Variants in NPEPL1 observed in about 807,000 individuals in gnomAD.
NPEPL1 encodes aminopeptidase like 1.
In NPEPL1, 45 loss-of-function variants were observed where a neutral mutation model predicts 52.4. The ratio of observed to expected loss-of-function variants is 0.86; its 90% confidence interval spans 0.68 to 1.10. The LOEUF (loss-of-function observed/expected upper bound fraction) is 1.10. NPEPL1 is among the 50% of genes least tolerant of loss of function. The pLI, the probability that NPEPL1 is intolerant of heterozygous loss-of-function variation, is 0.00. For missense variants in NPEPL1, 696 were observed against 710.9 expected (o/e 0.98, Z 0.24); for synonymous variants, 360 against 314.7 (o/e 1.14, Z -1.52).
chr20:58,690,182 C>T (rs1379943427), upstream of NPEPL1, among the ~76,000 whole-genome samples: 1 of 152,206 alleles, frequency 6.6e-6, no homozygotes, highest in Non-Finnish European at 1.5e-5. Context: ...GTTCTAGGAG[C>T]TTTATTCTGA....
chr20:58,691,080 G>A (rs773741031), upstream of NPEPL1: 1 of 703,022 alleles, frequency 1.4e-6, no homozygotes, highest in Admixed American at 2.0e-5. Context: ...CTTCGCCTGT[G>A]GAAGTCCTAT....
At chr20:58,708,956 G>A (rs1178882201) in intron 7 of NPEPL1, among the ~76,000 whole-genome samples, 1 of 152,136 alleles carries the variant, frequency 6.6e-6, no homozygotes, top group East Asian at 1.9e-4. Flanking sequence ...TCCAACAGAG[G>A]GTCTGTCCTG....
chr20:58,691,103 G>A, upstream of NPEPL1: 1 of 702,966 alleles, frequency 1.4e-6, no homozygotes, highest in South Asian at 1.5e-5. Flanking sequence ...CATCTGTCAG[G>A]GCATGGCCTT....
rs144049352 is a variant in NPEPL1 at position 58,702,776 on chromosome 20, G to T, written c.822+1618G>T. 2.1e-3 allele frequency among the ~76,000 whole-genome samples: 326 copies of T among 152,248 alleles called. 5 individuals carry two copies. The highest frequency in any genetic ancestry group is 6.8e-3 in the Middle Eastern group (2 of 294). ...TTTTGAAGAGCTCCAATCTCGTGAGGCAACAGATACACAGATACTTAGGAA... is the reference window on the plus strand; with the variant it reads ...TTTTGAAGAGCTCCAATCTCGTGAGTCAACAGATACACAGATACTTAGGAA... On this transcript the variant is annotated intron_variant, in intron 6 of 11. Coordinates refer to ENST00000356091, the MANE Select transcript of NPEPL1 (RefSeq NM_024663.4).
In NPEPL1 at chr20:58,713,660, G is replaced by A. The variant is rs1568862128; in HGVS notation, c.1125+117G>A. The A allele has an allele frequency of 7.3e-7, 1 of 1,370,416 alleles. No individual in the cohort carries two copies. The highest frequency in any genetic ancestry group is 1.6e-5 in the South Asian group (1 of 64,416). The allele number at this position is 1,370,416 out of a possible 1,614,324, so 84.9% of individuals were successfully genotyped here. ...CTGCCGTCAGGAAGTTTTCATAACT[G>A]GGCACGAGGAGGCAGGAGGAGCTGC... On this transcript the variant is annotated intron_variant, in intron 9 of 11. Transcript: ENST00000356091. The surrounding 1 kb of genome is among the most constrained non-coding windows in gnomAD (Gnocchi z 4.6).
chr20:58,693,458 C>T (rs1248639218), intron 1 of NPEPL1: 1 of 376,542 alleles, frequency 2.7e-6, no homozygotes, highest in Non-Finnish European at 4.8e-6. Context: ...GTGGAAGCCG[C>T]CTAAGCCCTA....
At chr20:58,695,317 AGTGGTGTGTGT>A (rs1192318314) in intron 3 of NPEPL1, among the ~76,000 whole-genome samples, 2 of 152,226 alleles carry the variant, frequency 1.3e-5, no homozygotes, top group African/African-American at 2.4e-5. Flanking sequence ...TGTGTGCATG[AGTGGTGTGTGT>A]GTGGTGTGTG....
chr20:58,707,341 C>A, intron 7 of NPEPL1, 141 bp downstream of exon 7: 1 of 816,940 alleles, frequency 1.2e-6, no homozygotes, highest in Non-Finnish European at 1.9e-6. Flanking sequence ...CCCCTCTGCC[C>A]CCAGGCTCTT....
intron 1 of NPEPL1, chr20:58,693,319 G>C (rs1049411577): frequency 3.0e-5 from 5 of 164,914 alleles, no homozygotes; most frequent in Non-Finnish European, 6.4e-5. Flanking sequence ...ACGGCGGGGG[G>C]GGAGACGTGG....
intron 1 of NPEPL1, 189 bp downstream of exon 1, chr20:58,693,239 G>A: frequency 3.7e-6 from 1 of 272,602 alleles, no homozygotes; most frequent in Non-Finnish European, 5.6e-6. Flanking sequence ...CCCAGGCCCC[G>A]TCGCCGGTGC....
At chr20:58,701,721 CACTGAGAAA>C (rs1328711337) in intron 6 of NPEPL1, among the ~76,000 whole-genome samples, 2 of 152,138 alleles carry the variant, frequency 1.3e-5, no homozygotes, top group African/African-American at 4.8e-5. Context: ...CCATGGTCCC[CACTGAGAAA>C]ACGCTCAGAG....
intron 5 of NPEPL1, 24 bp from the exon 6 acceptor site, chr20:58,700,987 TAACCC>T: frequency 6.6e-7 from 1 of 1,525,332 alleles, no homozygotes; most frequent in African/African-American, 1.4e-5. Flanking sequence ...AGCCCGAGCC[TAACCC>T]AGTTCTCCCC....
At chr20:58,705,971 AC>A (rs1171814514) in intron 6 of NPEPL1, among the ~76,000 whole-genome samples, 1 of 152,234 alleles carries the variant, frequency 6.6e-6, no homozygotes, top group East Asian at 1.9e-4. Context: ...ATCTAAAAAT[AC>A]TTTGCACTAA....
chr20:58,696,767 C>T (rs532775659), intron 3 of NPEPL1, among the ~76,000 whole-genome samples: 68 of 152,384 alleles, frequency 4.5e-4, no homozygotes, highest in Non-Finnish European at 8.1e-4. Flanking sequence ...TCAGGCCCTG[C>T]GCTGAGGCAG....
intron 6 of NPEPL1, among the ~76,000 whole-genome samples, chr20:58,705,833 C>T (rs969742445): frequency 1.3e-5 from 2 of 152,116 alleles, no homozygotes; most frequent in Admixed American, 6.6e-5. Flanking sequence ...GATTCCAGAT[C>T]GGAGGCCCTG....
At chr20:58,703,426 C>CA (rs2084673757) in intron 6 of NPEPL1, 2 of 976,886 alleles carry the variant, frequency 2.0e-6, no homozygotes, top group Non-Finnish European at 2.4e-6. Flanking sequence ...ACAGATAGTG[C>CA]ACCCCCTACT....
chr20:58,708,951 C>T (rs1353066869), intron 7 of NPEPL1, among the ~76,000 whole-genome samples: 1 of 152,190 alleles, frequency 6.6e-6, no homozygotes, highest in Non-Finnish European at 1.5e-5. Context: ...ACTCCTCCAA[C>T]AGAGGGTCTG....
In NPEPL1 at chr20:58,714,113, C is replaced by T. The variant is rs934634887; in HGVS notation, c.1302+20C>T. The T allele has an allele frequency of 6.5e-7, 1 of 1,528,610 alleles. No homozygotes were observed. The allele number at this position is 1,528,610 out of a possible 1,614,324, so 94.7% of individuals were successfully genotyped here. A position where few individuals can be genotyped will look rare whatever the true frequency, so the allele number is the denominator to read the frequency against. ...GTGGCGGTAGGTTTGGAGCCTCGAA[C>T]CTGGAGCCTGCCACATGGGTGGAGC... is the stretch of plus-strand genomic sequence containing the variant. On this transcript the variant is annotated intron_variant, in intron 10 of 11. Coordinates refer to ENST00000356091, the MANE Select transcript of NPEPL1 (RefSeq NM_024663.4).
intron 6 of NPEPL1, chr20:58,705,656 G>T (rs1384291905): frequency 2.3e-6 from 1 of 429,624 alleles, no homozygotes; most frequent in Non-Finnish European, 4.8e-6. Context: ...ACAACATATG[G>T]GGGCTGGTGA....
Sources: gnomAD v4.1 joint callset for allele counts (sites outside exome capture counted in the v4.1 genomes callset) on GRCh38, gnomAD v4.1.1 for gene constraint, Gnocchi (gnomAD v3.1) non-coding constraint, MANE v1.5 for transcripts, NCBI Gene and HGNC (gene_info 2026-07-23, HGNC 2026-07-21) for gene names.